ARID3A: variants seen among roughly 807,000 people sequenced by gnomAD.
ARID3A encodes the protein AT-rich interactive domain-containing protein 3A.
A neutral mutation model predicts 52.7 loss-of-function variants in ARID3A; 11 were observed. The ratio of observed to expected loss-of-function variants is 0.21; its 90% CI spans 0.13 to 0.35. The LOEUF (loss-of-function observed/expected upper bound fraction) is 0.35, where lower values mean the gene tolerates loss of function less well. ARID3A is among the 10% of genes least tolerant of loss of function. The pLI is 1.00. For synonymous variants in ARID3A, 404 were observed against 359.4 expected (o/e 1.12, Z -1.40); for missense variants, 721 against 838.5 (o/e 0.86, Z 1.73).
At chr19:945,460 G>A (rs533793636) in intron 3 of ARID3A, among the ~76,000 whole-genome samples, 3 of 152,200 alleles carry the variant, frequency 2.0e-5, no homozygotes, top group Admixed American at 6.6e-5. Flanking sequence ...GCCCACCTCC[G>A]TCTGCTCCCT....
chr19:966,458 C>CA (rs71335324), intron 6 of ARID3A, 114 bp from the exon 7 acceptor site: 58,247 of 678,040 alleles, frequency 0.086, 617 homozygotes, highest in South Asian at 0.18. Flanking sequence ...AACTCCGTCT[C>CA]AAAAAAAAAA....
intron 3 of ARID3A, among the ~76,000 whole-genome samples, chr19:937,523 G>C (rs114900453): frequency 6.6e-6 from 1 of 152,010 alleles, no homozygotes. Context: ...GTGGGCGTAC[G>C]TTTGTATTAC....
intron 1 of ARID3A, among the ~76,000 whole-genome samples, chr19:927,219 C>T (rs955296044): frequency 6.6e-6 from 1 of 152,138 alleles, no homozygotes; most frequent in African/African-American, 2.4e-5. Flanking sequence ...CGCCCCCCAC[C>T]CCTGCCTGGT....
intron 3 of ARID3A, among the ~76,000 whole-genome samples, chr19:948,969 A>C (rs1223264794): frequency 6.6e-6 from 1 of 152,052 alleles, no homozygotes; most frequent in Non-Finnish European, 1.5e-5. Context: ...TCGGCCTCCC[A>C]AAGTACTGGG....
chr19:953,200 C>G (rs1386092498), intron 3 of ARID3A, among the ~76,000 whole-genome samples: 1 of 152,170 alleles, frequency 6.6e-6, no homozygotes, highest in East Asian at 1.9e-4. Flanking sequence ...ACTTATCTTG[C>G]ACCCTGTCCG....
At position 938,816 on chromosome 19, in the gene ARID3A, A is replaced by G. The variant is rs534244575; in HGVS notation, c.693+6074A>G. ...GCCTGCCAGGCAGCTCTCGGGAGTG[A>G]AGCGAGACCCCAGCAAGAAACGGGC... On this transcript the variant is annotated intron_variant, in intron 3 of 8. Coordinates refer to ENST00000263620, the MANE Select transcript of ARID3A (RefSeq NM_005224.3). The surrounding 1 kb of genome is among the most constrained non-coding windows in gnomAD (Gnocchi z 4.0). 2.0e-5 allele frequency among the ~76,000 whole-genome samples: 3 copies of G among 152,154 alleles called. No individual in the cohort carries two copies. The East Asian group carries it at 5.8e-4, about 29-fold the overall frequency.
chr19:969,546 C>G (rs2365707), intron 8 of ARID3A, among the ~76,000 whole-genome samples: 1 of 151,338 alleles, frequency 6.6e-6, no homozygotes, highest in Non-Finnish European at 1.5e-5. Context: ...TTCTCTCTCT[C>G]TATATATCTA....
intron 3 of ARID3A, among the ~76,000 whole-genome samples, chr19:950,108 CG>C (rs1443734302): frequency 5.4e-5 from 5 of 92,212 alleles, no homozygotes; most frequent in Admixed American, 2.1e-4. Flanking sequence ...TGGATGAGGC[CG>C]TCCCCAGAGT....
At chr19:967,611 A>G (rs2038186843) in intron 7 of ARID3A, among the ~76,000 whole-genome samples, 1 of 152,190 alleles carries the variant, frequency 6.6e-6, no homozygotes, top group Non-Finnish European at 1.5e-5. Flanking sequence ...CACTTATTCA[A>G]CAAATAAATA....
In ARID3A at chr19:948,677, G is replaced by C. The variant is rs112774821; in HGVS notation, c.694-11415G>C. On this transcript the variant is annotated intron_variant, in intron 3 of 8. Coordinates refer to ENST00000263620, the MANE Select transcript of ARID3A (RefSeq NM_005224.3). Reference sequence around the variant, plus strand: ...TCCTGGCCTCTGGACTCTGTGGGGAGGGGACGAGGGATGAGGCCTGGAGTC... The same window carrying C: ...TCCTGGCCTCTGGACTCTGTGGGGACGGGACGAGGGATGAGGCCTGGAGTC... Among the ~76,000 whole-genome samples, 931 of 151,800 alleles carry C rather than the reference G, an allele frequency of 6.1e-3. 5 individuals are homozygous for C. The highest frequency in any genetic ancestry group is 0.01 in the Non-Finnish European group (712 of 67,928).
At position 932,759 on chromosome 19, in the gene ARID3A, C is replaced by G. The variant is rs542691290; in HGVS notation, c.693+17C>G. On this transcript the variant is annotated intron_variant, in intron 3 of 8. Transcript: ENST00000263620. ...TTTAAGCAGGTGAGTGGGCGCGTCCCGCGTGGCGGCTGAGGCACCTGCTCC... is the reference window on the plus strand; with the variant it reads ...TTTAAGCAGGTGAGTGGGCGCGTCCGGCGTGGCGGCTGAGGCACCTGCTCC... The G allele has an allele frequency of 6.5e-7, 1 of 1,546,208 alleles. No homozygotes were observed. Among genetic ancestry groups the G allele is most frequent in the Non-Finnish European group, 8.7e-7 (1 of 1,146,252 alleles).
intron 3 of ARID3A, among the ~76,000 whole-genome samples, chr19:939,439 G>A (rs1191709294): frequency 6.6e-6 from 1 of 152,146 alleles, no homozygotes; most frequent in East Asian, 1.9e-4. Context: ...TTTGGTTCCA[G>A]AAGTAACACT....
rs2037265343 is a variant in ARID3A, at chr19:929,278, G to C, written c.-251G>C. 1 of 320,168 alleles carries C rather than the reference G, an allele frequency of 3.1e-6. No individual in the cohort carries two copies. The highest frequency in any genetic ancestry group is 5.1e-6 in the Non-Finnish European group (1 of 197,850). The allele number at this position is 320,168 out of a possible 1,614,324, so 19.8% of individuals were successfully genotyped here. A position where few individuals can be genotyped will look rare whatever the true frequency, so the allele number is the denominator to read the frequency against. On this transcript the variant is annotated 5_prime_UTR_variant, in exon 2 of 9. Coordinates refer to ENST00000263620, the MANE Select transcript of ARID3A (RefSeq NM_005224.3). The surrounding 1 kb of genome is among the most constrained non-coding windows in gnomAD (Gnocchi z 6.2). ...CCCCCTCAGGTTTCTGCAAATGCGT[G>C]AATGAGCCGGATGCCAGCCTCTGTC...
chr19:966,938 A>G, intron 7 of ARID3A, 70 bp downstream of exon 7: 3 of 1,480,304 alleles, frequency 2.0e-6, no homozygotes, highest in Non-Finnish European at 2.7e-6. Flanking sequence ...TGGAGCCTAC[A>G]TATGTAAAGA....
intron 3 of ARID3A, among the ~76,000 whole-genome samples, chr19:953,719 T>A (rs1159301304): frequency 6.6e-6 from 1 of 152,088 alleles, no homozygotes; most frequent in African/African-American, 2.4e-5. Flanking sequence ...GGGAGCTGCA[T>A]TCCAGGCAGA....
chr19:927,049 C>T (rs987885689), intron 1 of ARID3A, among the ~76,000 whole-genome samples: 3 of 152,140 alleles, frequency 2.0e-5, no homozygotes, highest in Non-Finnish European at 4.4e-5. Context: ...CCCGCCCCTC[C>T]CCCTCCTCTT....
In ARID3A at chr19:974,260, C is replaced by T; in HGVS notation, c.*2195C>T. The T allele has an allele frequency of 8.8e-6, 2 of 227,804 alleles. No homozygotes were observed. The highest frequency in any genetic ancestry group is 1.7e-5 in the Non-Finnish European group (2 of 114,620). 14.1% of individuals were successfully genotyped at this position (227,804 alleles called of 1,614,324 possible). A position where few individuals can be genotyped will look rare whatever the true frequency, so the allele number is the denominator to read the frequency against. ...GGGGACCCCCACTTCCTTCTCGGATCTCAGGGCCGTGGACACACACCCCCT... is the reference window on the plus strand; with the variant it reads ...GGGGACCCCCACTTCCTTCTCGGATTTCAGGGCCGTGGACACACACCCCCT... On this transcript the variant is annotated 3_prime_UTR_variant, in exon 9 of 9. Transcript: ENST00000263620.
chr19:972,118 G>A lies in ARID3A; in HGVS notation c.*53G>A. On this transcript the variant is annotated 3_prime_UTR_variant, in exon 9 of 9. Transcript: ENST00000263620. ...CCTGGAGCCCGCCGGCCTGGGCAGG[G>A]GGTCCAGGTGGGCCACACAGGGGCC... 1.4e-6 allele frequency: 2 copies of A among 1,461,058 alleles called. No individual in the cohort carries two copies. Among genetic ancestry groups the A allele is most frequent in the Non-Finnish European group, 1.8e-6 (2 of 1,107,494 alleles). 90.5% of individuals were successfully genotyped at this position (1,461,058 alleles called of 1,614,324 possible). A position where few individuals can be genotyped will look rare whatever the true frequency, so the allele number is the denominator to read the frequency against.
chr19:939,731 C>T (rs994847497), intron 3 of ARID3A, among the ~76,000 whole-genome samples: 3 of 152,116 alleles, frequency 2.0e-5, no homozygotes, highest in African/African-American at 4.8e-5. Flanking sequence ...ACGTTCCCCT[C>T]GTGGCGCTGG....
Sources: gnomAD v4.1 joint callset for allele counts (sites outside exome capture counted in the v4.1 genomes callset) on GRCh38, gnomAD v4.1.1 for gene constraint, Gnocchi (gnomAD v3.1) non-coding constraint, MANE v1.5 for transcripts, NCBI Gene and HGNC (gene_info 2026-07-23, HGNC 2026-07-21) for gene names.